The following CARNMT1 variants were observed in gnomAD, a reference collection of about 807,000 sequenced individuals.
CARNMT1 encodes the protein carnosine N-methyltransferase 1.
A neutral mutation model predicts 49.6 loss-of-function variants in CARNMT1; 28 were observed. That is an observed-to-expected ratio of 0.56 (90% CI 0.42 to 0.77). The LOEUF is 0.77. Ranked by LOEUF, CARNMT1 falls within the 30% of genes least tolerant of loss-of-function variation. The pLI is 0.00. For synonymous variants in CARNMT1, 178 were observed against 175.0 expected (o/e 1.02, Z -0.13); for missense variants, 421 against 512.6 (o/e 0.82, Z 1.73).
At chr9:74,985,869 C>T (rs1832822538) in intron 6 of CARNMT1, among the ~76,000 whole-genome samples, 1 of 152,174 alleles carries the variant, frequency 6.6e-6, no homozygotes, top group South Asian at 2.1e-4. Context: ...CGTGAGCCAC[C>T]GTGTGTGCCC....
At chr9:75,018,637 A>T (rs1408330590) in intron 1 of CARNMT1, among the ~76,000 whole-genome samples, 1 of 152,172 alleles carries the variant, frequency 6.6e-6, no homozygotes, top group African/African-American at 2.4e-5. Context: ...AATGGGCCCC[A>T]TGAAACATGA....
At chr9:75,008,182 A>C (rs1210369073) in intron 3 of CARNMT1, among the ~76,000 whole-genome samples, 17 of 150,844 alleles carry the variant, frequency 1.1e-4, no homozygotes, top group Admixed American at 5.9e-4. Context: ...AAAAAAAAAA[A>C]AAAAAAAAAA....
intron 1 of CARNMT1, chr9:75,026,956 A>C: frequency 1.6e-6 from 1 of 618,968 alleles, no homozygotes; most frequent in South Asian, 1.7e-5. Context: ...ACAGCAAAGC[A>C]AGAGATTTAT....
chr9:75,021,360 A>G (rs575792084), intron 1 of CARNMT1, among the ~76,000 whole-genome samples: 5 of 146,808 alleles, frequency 3.4e-5, no homozygotes, highest in South Asian at 2.1e-4. Flanking sequence ...CATACCATAT[A>G]TATTATATAC....
At chr9:74,987,241 T>C (rs1832871389) in intron 6 of CARNMT1, among the ~76,000 whole-genome samples, 1 of 152,208 alleles carries the variant, frequency 6.6e-6, no homozygotes, top group East Asian at 1.9e-4. Context: ...TTCTAAGTTA[T>C]AGATACACTC....
intron 1 of CARNMT1, among the ~76,000 whole-genome samples, chr9:75,025,596 AATT>A (rs1327208889): frequency 6.6e-6 from 1 of 152,188 alleles, no homozygotes; most frequent in African/African-American, 2.4e-5. Flanking sequence ...TTCATGGCAT[AATT>A]TTTTCTTAAT....
At chr9:75,015,436 G>A (rs1833816720) in intron 3 of CARNMT1, among the ~76,000 whole-genome samples, 2 of 151,898 alleles carry the variant, frequency 1.3e-5, no homozygotes, top group South Asian at 4.2e-4. Flanking sequence ...TTTGATAACT[G>A]TATTTCAAAA....
intron 6 of CARNMT1, chr9:74,991,680 C>CA (rs1833020531): frequency 1.3e-5 from 2 of 152,118 alleles, no homozygotes; most frequent in Admixed American, 1.3e-4. Flanking sequence ...ATAAGGTAGG[C>CA]ATCTTGATTA....
intron 6 of CARNMT1, among the ~76,000 whole-genome samples, chr9:74,993,460 C>A (rs1158004668): frequency 6.6e-6 from 1 of 152,078 alleles, no homozygotes; most frequent in African/African-American, 2.4e-5. Flanking sequence ...GGGAGTCTTA[C>A]AGGAACAGAT....
In CARNMT1 at chr9:75,005,827, AACACACACACACAC is replaced by A. The variant is rs10569961; in HGVS notation, c.591-5971_591-5958del. On this transcript the variant is annotated intron_variant, in intron 3 of 7. Transcript: ENST00000376834. Reference sequence around the variant, plus strand: ...TAGAAAAGGCCTTCAGTGAAATTAAAACACACACACACACACACACACACACACACACACACACA... The same window carrying A: ...TAGAAAAGGCCTTCAGTGAAATTAAAACACACACACACACACACACACACA... 7.2e-3 allele frequency among the ~76,000 whole-genome samples: 976 copies of A among 135,802 alleles called. 8 individuals carry two copies. The highest frequency in any genetic ancestry group is 8.2e-3 in the Non-Finnish European group (521 of 63,658). 89.1% of individuals were successfully genotyped at this position (135,802 alleles called of 152,430 possible).
In CARNMT1 at chr9:74,996,467, C is replaced by T. The variant is rs1833191284; in HGVS notation, c.1004G>A (p.Gly335Asp). 1.3e-6 allele frequency: 2 copies of T among 1,596,174 alleles called. No individual in the cohort carries two copies. Among genetic ancestry groups the T allele is most frequent in the Non-Finnish European group, 1.7e-6 (2 of 1,172,010 alleles). ...IDTIWKILKP[G>D]GIWINLGPLL... ...CTTACCTAGATTTATCCAAATTCCA[C>T]CTGGCTTGAGTATTTTCCATATTGT... The change falls in exon 6 of 8, where the codon GGT becomes GAT. Residue 335 changes from glycine to aspartate, a missense_variant. Physicochemically the swap from Gly to Asp is moderately conservative, Grantham distance 94. Transcript: ENST00000376834.
At chr9:75,009,629 G>A in intron 3 of CARNMT1, among the ~76,000 whole-genome samples, 1 of 152,096 alleles carries the variant, frequency 6.6e-6, no homozygotes, top group Non-Finnish European at 1.5e-5. Flanking sequence ...GCTAATACAT[G>A]CAAATATATT....
intron 3 of CARNMT1, among the ~76,000 whole-genome samples, chr9:75,002,387 T>C (rs1484891364): frequency 6.6e-6 from 1 of 152,160 alleles, no homozygotes; most frequent in Non-Finnish European, 1.5e-5. Flanking sequence ...GTACCTACAG[T>C]GGTTCTCTTT....
chr9:74,982,666 ATTTT>A lies in CARNMT1; in HGVS notation c.*1097_*1100del, dbSNP rs1286123654. ...TTATGACAGTTTTTCCTAGTATATA[ATTTT>A]TTTAATGAAAAAAGTGCTTGCTTTC... On this transcript the variant is annotated 3_prime_UTR_variant, in exon 8 of 8. Coordinates refer to ENST00000376834, the MANE Select transcript of CARNMT1 (RefSeq NM_152420.3). 6.6e-6 allele frequency: 1 copy of A among 152,104 alleles called. No homozygotes were observed. The highest frequency in any genetic ancestry group is 1.5e-5 in the Non-Finnish European group (1 of 68,002). The allele number at this position is 152,104 out of a possible 1,614,324, so 9.4% of individuals were successfully genotyped here.
Position 75,028,132 on chromosome 9 carries a change from C to A in CARNMT1, c.110G>T (p.Trp37Leu). The change falls in exon 1 of 8, where the codon TGG (tryptophan) becomes TTG (leucine). Residue 37 changes from tryptophan (W) to leucine (L), a missense_variant. Coordinates refer to ENST00000376834, the MANE Select transcript of CARNMT1 (RefSeq NM_152420.3). ...EVEVQFSAGR[W>L]GSAAAVSAAA... ...CGCCGAAACCGCCGCGGCCGAGCCC[C>A]AACGCCCGGCGGAAAACTGCACTTC... 1 of 1,551,486 alleles carries A rather than the reference C, an allele frequency of 6.4e-7. No homozygotes were observed. Among genetic ancestry groups the A allele is most frequent in the East Asian group, 2.6e-5 (1 of 38,458 alleles).
chr9:74,992,203 CAG>C (rs1029059766), intron 6 of CARNMT1, among the ~76,000 whole-genome samples: 2 of 151,460 alleles, frequency 1.3e-5, no homozygotes, highest in African/African-American at 4.9e-5. Flanking sequence ...ACCCAGGAGA[CAG>C]AGGTTGCAGT....
At chr9:75,009,702 T>C (rs1047386442) in intron 3 of CARNMT1, 7 of 151,704 alleles carry the variant, frequency 4.6e-5, no homozygotes, top group Non-Finnish European at 1.0e-4. Flanking sequence ...CCCAGCCCAC[T>C]AGTGGCCTAA....
intron 1 of CARNMT1, 136 bp downstream of exon 1, chr9:75,027,876 A>G: frequency 2.0e-6 from 2 of 975,902 alleles, no homozygotes; most frequent in South Asian, 4.3e-5. Flanking sequence ...CGGGGCCCGG[A>G]GGTCAGCTGC....
rs962138218 is a variant in CARNMT1 at position 74,981,469 on chromosome 9, C to T, written c.*2298G>A. The T allele has an allele frequency of 1.3e-5, 2 of 152,024 alleles. No homozygotes were observed. Among genetic ancestry groups the T allele is most frequent in the Non-Finnish European group, 2.9e-5 (2 of 67,974 alleles). The allele number at this position is 152,024 out of a possible 1,614,324, so 9.4% of individuals were successfully genotyped here. A position where few individuals can be genotyped will look rare whatever the true frequency, so the allele number is the denominator to read the frequency against. ...AAGCTAAATAAATCCTCCAGTGATA[C>T]TTCTATTATTGATTGATACCACATT... On this transcript the variant is annotated 3_prime_UTR_variant, in exon 8 of 8. Coordinates refer to ENST00000376834, the MANE Select transcript of CARNMT1 (RefSeq NM_152420.3).
Sources: allele counts gnomAD v4.1 joint callset (sites outside exome capture counted in the v4.1 genomes callset), GRCh38; gene constraint gnomAD v4.1.1; transcripts MANE v1.5; gene names NCBI Gene and HGNC (gene_info 2026-07-23, HGNC 2026-07-21).